Variants in NOTCH2 observed in about 807,000 individuals in gnomAD.
NOTCH2 encodes the protein neurogenic locus notch homolog protein 2.
Under a neutral mutation model 235.8 loss-of-function variants are expected in NOTCH2, and 29 were observed. The ratio of observed to expected loss-of-function variants is 0.12; its 90% CI spans 0.09 to 0.17. The LOEUF (loss-of-function observed/expected upper bound fraction) is 0.17, where lower values mean the gene tolerates loss of function less well. NOTCH2 is among the 10% of genes least tolerant of loss of function. The pLI, the probability that NOTCH2 is intolerant of heterozygous loss-of-function variation, is 1.00. For missense variants in NOTCH2, 2,285 were observed against 3,150.2 expected (o/e 0.73, Z 6.57); for synonymous variants, 1,086 against 1,141.5 (o/e 0.95, Z 0.98).
At chr1:120,015,177 T>C (rs1427072572) in intron 2 of NOTCH2, among the ~76,000 whole-genome samples, 1 of 152,160 alleles carries the variant, frequency 6.6e-6, no homozygotes, top group Admixed American at 6.5e-5. Context: ...AAAAGTCTCA[T>C]GTGGGTTGCG....
intron 5 of NOTCH2, among the ~76,000 whole-genome samples, chr1:119,974,933 T>C (rs1442805669): frequency 2.6e-5 from 4 of 152,192 alleles, no homozygotes; most frequent in Non-Finnish European, 4.4e-5. Flanking sequence ...TGCCAGCCAC[T>C]GTACTAGACA....
chr1:119,921,953 G>T, intron 28 of NOTCH2, 144 bp from the exon 29 acceptor site: 1 of 779,022 alleles, frequency 1.3e-6, no homozygotes, highest in Non-Finnish European at 2.2e-6. Context: ...CAGTATTTTT[G>T]GTGACATTCC....
chr1:119,964,264 T>C (rs782616805), intron 10 of NOTCH2, among the ~76,000 whole-genome samples: 1 of 152,324 alleles, frequency 6.6e-6, no homozygotes, highest in East Asian at 1.9e-4. Flanking sequence ...CTGAGAGTAG[T>C]ATGCATATAT....
In NOTCH2 at chr1:119,952,362, C is replaced by G. The variant is rs144472487; in HGVS notation, c.2365+1181G>C. On this transcript the variant is annotated intron_variant, in intron 14 of 33. Transcript: ENST00000256646. ...CACATCCCATTTATTGTGCACTTTACTTTTATTATTATAATATTACACTGT... is the reference window on the plus strand; with the variant it reads ...CACATCCCATTTATTGTGCACTTTAGTTTTATTATTATAATATTACACTGT... 2.0e-5 allele frequency among the ~76,000 whole-genome samples: 3 copies of G among 152,210 alleles called. No individual in the cohort carries two copies. The East Asian group carries it at 5.8e-4, about 29-fold the overall frequency.
chr1:120,069,631 G>C lies in NOTCH2; in HGVS notation c.-225C>G, dbSNP rs1413624401. The C allele has an allele frequency of 1.9e-5, 26 of 1,400,736 alleles. No individual in the cohort carries two copies. Among genetic ancestry groups the C allele is most frequent in the Non-Finnish European group, 2.3e-5 (25 of 1,083,942 alleles). 86.8% of individuals were successfully genotyped at this position (1,400,736 alleles called of 1,614,324 possible). On this transcript the variant is annotated 5_prime_UTR_variant, in exon 1 of 34. Coordinates refer to ENST00000256646, the MANE Select transcript of NOTCH2 (RefSeq NM_024408.4). ...CTCAGCCGCCGCCCGAAGTTTGGCT[G>C]AAACTTTCTCGGGTGTGCAACGAAG...
chr1:119,949,038 A>G lies in NOTCH2; in HGVS notation c.2568T>C (p.Ser856=). The part of the protein sequence containing the change: ...AVCKESPNFE[S]YTCLCAPGWQ... ...AGCCAGGAGCACACAAGCAAGTATA[A>G]CTCTCAAAATTTGGTGACTCTTTGC... The change falls in exon 16 of 34, where the codon AGT becomes AGC. Residue 856 remains serine, a synonymous_variant. Coordinates refer to ENST00000256646, the MANE Select transcript of NOTCH2 (RefSeq NM_024408.4). 1 of 1,614,138 alleles carries G rather than the reference A, an allele frequency of 6.2e-7. No individual in the cohort carries two copies. Among genetic ancestry groups the G allele is most frequent in the Non-Finnish European group, 8.5e-7 (1 of 1,180,020 alleles).
rs3100684 is a variant in NOTCH2 at position 120,001,266 on chromosome 1, C to G, written c.416-3934G>C. Reference sequence around the variant, plus strand: ...TTGGTACCAAGAGTGGGGTTTTTGCCAGAGTGCCAACTATCCCGAGGGAAA... The same window carrying G: ...TTGGTACCAAGAGTGGGGTTTTTGCGAGAGTGCCAACTATCCCGAGGGAAA... On this transcript the variant is annotated intron_variant, in intron 3 of 33. Coordinates refer to ENST00000256646, the MANE Select transcript of NOTCH2 (RefSeq NM_024408.4). 3.9e-5 allele frequency among the ~76,000 whole-genome samples: 6 copies of G among 152,102 alleles called. No homozygotes were observed. The South Asian group carries it at 8.4e-4, about 21-fold the overall frequency.
chr1:119,940,831 AATCTAAG>A (rs1220417665), intron 18 of NOTCH2, 75 bp from the exon 19 acceptor site: 1 of 1,337,496 alleles, frequency 7.5e-7, no homozygotes, highest in African/African-American at 1.4e-5. Context: ...AGATTTCTGG[AATCTAAG>A]ATCATACAGA....
At chr1:120,045,878 A>C (rs1654765890) in intron 1 of NOTCH2, among the ~76,000 whole-genome samples, 1 of 152,294 alleles carries the variant, frequency 6.6e-6, no homozygotes, top group Non-Finnish European at 1.5e-5. Flanking sequence ...TGTGTACCCC[A>C]GAAGCAGGGG....
At chr1:120,028,324 A>G (rs1433079061) in intron 2 of NOTCH2, among the ~76,000 whole-genome samples, 4 of 134,600 alleles carry the variant, frequency 3.0e-5, no homozygotes, top group Non-Finnish European at 4.8e-5. Context: ...GCAAGCAACT[A>G]AGGCACCAAA....
intron 23 of NOTCH2, among the ~76,000 whole-genome samples, chr1:119,927,140 C>T (rs1649502819): frequency 6.6e-6 from 1 of 152,148 alleles, no homozygotes; most frequent in African/African-American, 2.4e-5. Context: ...GCTTAATTTT[C>T]CTAGAGTTAG....
Position 119,977,282 on chromosome 1 carries a change from G to A in NOTCH2, c.875-7538C>T, listed in dbSNP as rs587632577. On this transcript the variant is annotated intron_variant, in intron 5 of 33. Coordinates refer to ENST00000256646, the MANE Select transcript of NOTCH2 (RefSeq NM_024408.4). ...TATTCTGTTCCTACCCAAAGTGTCC[G>A]TCACCCTTGTCTACACCACCAGTTC... 7.9e-5 allele frequency among the ~76,000 whole-genome samples: 12 copies of A among 151,956 alleles called. No individual in the cohort carries two copies. The East Asian group carries it at 1.7e-3, about 22-fold the overall frequency.
rs1176788576 is a variant in NOTCH2 at position 119,914,909 on chromosome 1, T to TAA, written c.*395_*396dup. 3.5e-5 allele frequency: 13 copies of TAA among 370,310 alleles called. No individual in the cohort carries two copies. Among genetic ancestry groups the TAA allele is most frequent in the African/African-American group, 2.6e-4 (13 of 49,744 alleles). 22.9% of individuals were successfully genotyped at this position (370,310 alleles called of 1,614,324 possible). A position where few individuals can be genotyped will look rare whatever the true frequency, so the allele number is the denominator to read the frequency against. On this transcript the variant is annotated 3_prime_UTR_variant, in exon 34 of 34. Transcript: ENST00000256646. ...TCAATTCAGGCAGAATTCCAGGGCA[T>TAA]AATTCCCAACAGGACGCTAGTGTAG... is the stretch of plus-strand genomic sequence containing the variant.
chr1:119,949,169 G>A, intron 15 of NOTCH2, 43 bp from the exon 16 acceptor site: 2 of 1,612,726 alleles, frequency 1.2e-6, no homozygotes, highest in Non-Finnish European at 1.7e-6. Flanking sequence ...AAACAGGTAA[G>A]AAAACGAAAA....
Position 119,915,998 on chromosome 1 carries a change from T to G in NOTCH2, c.6724A>C (p.Ser2242Arg). Reference sequence around the variant, plus strand: ...GGGACTGGGACTGGATGGAGCCTACTCAAGCTTCCAGCACTGCCACTGCCT... The same window carrying G: ...GGGACTGGGACTGGATGGAGCCTACGCAAGCTTCCAGCACTGCCACTGCCT... ...SPGSGSAGSL[S>R]RLHPVPVPAD... The change falls in exon 34 of 34, where the codon AGT becomes CGT. Residue 2242 changes from serine (S) to arginine (R), a missense_variant. Physicochemically the swap from Ser to Arg is moderately radical, Grantham distance 110 (BLOSUM62 -1). This residue lies in a region of NOTCH2 where 504 missense variants were observed against 538.0 expected (regional missense o/e 0.94). Coordinates refer to ENST00000256646, the MANE Select transcript of NOTCH2 (RefSeq NM_024408.4). 1 of 1,613,904 alleles carries G rather than the reference T, an allele frequency of 6.2e-7. No individual in the cohort carries two copies.
chr1:120,010,413 G>A lies in NOTCH2; in HGVS notation c.156-4825C>T, dbSNP rs587749458. Among the ~76,000 whole-genome samples, 129 of 152,114 alleles carry A rather than the reference G, an allele frequency of 8.5e-4. 1 individual carries two copies. In the South Asian group the frequency reaches 0.02, roughly 23 times the overall value. ...GAATACAAGCATGTAGCATGGTGCCGGATAAATCTTAAGAATTTAATAAAT... is the reference window on the plus strand; with the variant it reads ...GAATACAAGCATGTAGCATGGTGCCAGATAAATCTTAAGAATTTAATAAAT... On this transcript the variant is annotated intron_variant, in intron 2 of 33. Coordinates refer to ENST00000256646, the MANE Select transcript of NOTCH2 (RefSeq NM_024408.4).
At position 119,915,309 on chromosome 1, in the gene NOTCH2, C is replaced by G. The variant is rs771638958; in HGVS notation, c.7413G>C (p.Ala2471=). 1.4e-5 allele frequency: 22 copies of G among 1,612,928 alleles called. No individual in the cohort carries two copies. The highest frequency in any genetic ancestry group is 1.9e-5 in the Non-Finnish European group (22 of 1,180,034). The change falls in exon 34 of 34, where the codon GCG becomes GCC. Residue 2471 remains alanine, a synonymous_variant. Transcript: ENST00000256646. ...TCTACACTGGAGGTGGACTCTCTCA[C>G]GCATAAACCTGCATGTTGTTGTGTG... ...EPPHNNMQVY[A] is the part of the protein sequence containing the mutation.
chr1:119,972,399 A>G (rs782507929), intron 5 of NOTCH2, among the ~76,000 whole-genome samples: 9 of 152,230 alleles, frequency 5.9e-5, no homozygotes, highest in Non-Finnish European at 8.8e-5. Flanking sequence ...AGTCTCATCT[A>G]TTATACTTAT....
At chr1:120,031,069 A>T (rs1433471982) in intron 1 of NOTCH2, among the ~76,000 whole-genome samples, 5 of 151,706 alleles carry the variant, frequency 3.3e-5, no homozygotes, top group Non-Finnish European at 7.4e-5. Flanking sequence ...AAATACCTGA[A>T]AGCAAAACTG....
Sources: gnomAD v4.1 joint callset for allele counts (sites outside exome capture counted in the v4.1 genomes callset) on GRCh38, gnomAD v4.1.1 for gene constraint, gnomAD v4.1.1 regional missense constraint, MANE v1.5 for transcripts, NCBI Gene and HGNC (gene_info 2026-07-23, HGNC 2026-07-21) for gene names.